ADISSP: variants seen among roughly 807,000 people sequenced by gnomAD.
ADISSP encodes the protein adipose-secreted signaling protein.
At chr20:3,754,225 G>A in the ADISSP span, 2 of 1,524,958 alleles carry the variant, frequency 1.3e-6, no homozygotes, top group South Asian at 2.3e-5. Flanking sequence ...CCACTAAGGG[G>A]ACCCCTCCCC....
chr20:3,760,179 G>T, the ADISSP span: 1 of 1,226,300 alleles, frequency 8.2e-7, no homozygotes, highest in Non-Finnish European at 1.2e-6. Flanking sequence ...AGGGACACCA[G>T]CGGGAGCCTG....
At chr20:3,765,363 C>A in the ADISSP span, among the ~76,000 whole-genome samples, 2 of 152,194 alleles carry the variant, frequency 1.3e-5, no homozygotes, top group African/African-American at 2.4e-5. Context: ...ATCCACATGG[C>A]CCCCAGAGGC....
chr20:3,758,610 C>T, the ADISSP span: 8 of 1,613,846 alleles, frequency 5.0e-6, no homozygotes, highest in Middle Eastern at 1.6e-4. This position sits in a 1 kb window ranked among gnomAD's most constrained non-coding sequence, Gnocchi z 5.5. Flanking sequence ...TCAAAGTGGA[C>T]GTGGCTGTGG....
At chr20:3,758,384 C>T in the ADISSP span, 2 of 663,644 alleles carry the variant, frequency 3.0e-6, no homozygotes, top group South Asian at 3.7e-5. This position sits in a 1 kb window ranked among gnomAD's most constrained non-coding sequence, Gnocchi z 5.5. Context: ...TGAAATCTCA[C>T]TGCCTCCCAT....
chr20:3,753,833 C>T, the ADISSP span: 23 of 588,004 alleles, frequency 3.9e-5, no homozygotes, highest in African/African-American at 1.3e-4. Flanking sequence ...CCATTTCTTC[C>T]GGCAGGAGAC....
chr20:3,762,360 A>C, the ADISSP span, among the ~76,000 whole-genome samples: 1 of 152,012 alleles, frequency 6.6e-6, no homozygotes, highest in Non-Finnish European at 1.5e-5. Flanking sequence ...TACACAGCTG[A>C]TGGTAAGGTT....
At chr20:3,764,675 C>T in the ADISSP span, among the ~76,000 whole-genome samples, 3 of 152,238 alleles carry the variant, frequency 2.0e-5, no homozygotes, top group Non-Finnish European at 4.4e-5. Context: ...CCCTGTGTCC[C>T]CGGCACTCAG....
chr20:3,759,322 C>A, the ADISSP span, among the ~76,000 whole-genome samples: 2 of 152,234 alleles, frequency 1.3e-5, no homozygotes, highest in African/African-American at 4.8e-5. This position sits in a 1 kb window ranked among gnomAD's most constrained non-coding sequence, Gnocchi z 4.6. Flanking sequence ...AGACCCCCTT[C>A]CTTCCTCTGT....
chr20:3,754,227 C>T, the ADISSP span: 4 of 1,494,194 alleles, frequency 2.7e-6, no homozygotes, highest in Middle Eastern at 1.8e-4. Flanking sequence ...ACTAAGGGGA[C>T]CCCTCCCCTT....
At chr20:3,766,533 C>A in the ADISSP span, among the ~76,000 whole-genome samples, 1 of 152,206 alleles carries the variant, frequency 6.6e-6, no homozygotes, top group Non-Finnish European at 1.5e-5. Context: ...CTCCTCTGCC[C>A]AGCATTCTCC....
the ADISSP span, chr20:3,754,665 C>T: frequency 1.3e-6 from 1 of 797,936 alleles, no homozygotes; most frequent in African/African-American, 1.7e-5. Context: ...CTTCTGGAGC[C>T]CAGAGACCCA....
the ADISSP span, among the ~76,000 whole-genome samples, chr20:3,764,322 A>G: frequency 1.3e-5 from 2 of 152,216 alleles, no homozygotes; most frequent in Non-Finnish European, 2.9e-5. Flanking sequence ...GGCTCTGGTT[A>G]AACTGCACCA....
the ADISSP span, among the ~76,000 whole-genome samples, chr20:3,760,515 G>A: frequency 2.0e-5 from 3 of 152,204 alleles, no homozygotes; most frequent in South Asian, 2.1e-4. Context: ...GCCTGGAAAG[G>A]AGGACTTTAT....
At chr20:3,755,376 C>G in the ADISSP span, 2 of 1,258,602 alleles carry the variant, frequency 1.6e-6, no homozygotes, top group Non-Finnish European at 2.3e-6. Context: ...CCCCGACTTG[C>G]TGAGCTGCCC....
the ADISSP span, chr20:3,754,227 C>A: frequency 6.7e-7 from 1 of 1,494,194 alleles, no homozygotes. Flanking sequence ...ACTAAGGGGA[C>A]CCCTCCCCTT....
the ADISSP span, among the ~76,000 whole-genome samples, chr20:3,766,583 A>C: frequency 0.055 from 8,444 of 152,202 alleles, 739 homozygotes; most frequent in African/African-American, 0.19. Flanking sequence ...GCCTCCAGAT[A>C]GCATGCCCCA....
chr20:3,763,042 G>A, the ADISSP span, among the ~76,000 whole-genome samples: 1 of 152,280 alleles, frequency 6.6e-6, no homozygotes, highest in East Asian at 1.9e-4. Context: ...GATCACCTGA[G>A]GTCAGGAGTT....
At chr20:3,766,573 G>A in the ADISSP span, among the ~76,000 whole-genome samples, 1 of 152,190 alleles carries the variant, frequency 6.6e-6, no homozygotes, top group Non-Finnish European at 1.5e-5. Context: ...TGGGTGCTTA[G>A]CCTCCAGATA....
chr20:3,764,998 A>T, the ADISSP span, among the ~76,000 whole-genome samples: 1 of 152,224 alleles, frequency 6.6e-6, no homozygotes, highest in Non-Finnish European at 1.5e-5. Flanking sequence ...CCCCATGCCC[A>T]CTGAGGGTAG....
Sources: allele counts gnomAD v4.1 joint callset (sites outside exome capture counted in the v4.1 genomes callset), GRCh38; gene constraint gnomAD v4.1.1; non-coding constraint Gnocchi (gnomAD v3.1); transcripts MANE v1.5; gene names NCBI Gene and HGNC (gene_info 2026-07-23, HGNC 2026-07-21).